ANO10: variants seen among roughly 807,000 people sequenced by gnomAD.
The protein encoded by ANO10 is anoctamin-10.
ANO10 carries 77 observed loss-of-function variants against 74.7 expected under a neutral mutation model. That is an observed-to-expected ratio of 1.03 (90% CI 0.86 to 1.25). The LOEUF is 1.25. ANO10 is among the 50% of genes most tolerant of loss of function. ANO10 has a pLI of 0.00. For synonymous variants in ANO10, 279 were observed against 284.9 expected, an observed-to-expected ratio of 0.98 and a Z score of 0.21; for missense variants, 721 against 778.1, an observed-to-expected ratio of 0.93 and a Z score of 0.87.
In ANO10 at chr3:43,605,843, T is replaced by C. The variant is rs1224724929; in HGVS notation, c.10A>G (p.Thr4Ala). ...TCAGAAGTATCCAAAGCTGATAAGGTCACTTTCATCTTTGACAAATCTGCG... is the reference window on the plus strand; with the variant it reads ...TCAGAAGTATCCAAAGCTGATAAGGCCACTTTCATCTTTGACAAATCTGCG... MKV[T>A]LSALDTSESS... The change falls in exon 2 of 13, where the codon ACC becomes GCC. Residue 4 changes from threonine to alanine, a missense_variant. Transcript: ENST00000292246. 1.9e-6 allele frequency: 3 copies of C among 1,613,644 alleles called. No individual in the cohort carries two copies. The highest frequency in any genetic ancestry group is 1.1e-5 in the South Asian group (1 of 91,072).
At chr3:43,419,268 A>G (rs1019812111) in intron 12 of ANO10, among the ~76,000 whole-genome samples, 1 of 152,248 alleles carries the variant, frequency 6.6e-6, no homozygotes, top group Non-Finnish European at 1.5e-5. Context: ...TCTACTGATC[A>G]CACAGAAAAA....
intron 11 of ANO10, among the ~76,000 whole-genome samples, chr3:43,464,610 T>C (rs2075533904): frequency 6.6e-6 from 1 of 152,078 alleles, no homozygotes; most frequent in African/African-American, 2.4e-5. Context: ...GTCCAAGAGG[T>C]TGAGGTTGCA....
chr3:43,404,451 T>C (rs966701813), intron 12 of ANO10, among the ~76,000 whole-genome samples: 4 of 152,182 alleles, frequency 2.6e-5, no homozygotes, highest in Admixed American at 6.5e-5. Flanking sequence ...ACATCTTAGA[T>C]TGCAGCCTAC....
intron 11 of ANO10, among the ~76,000 whole-genome samples, chr3:43,520,675 CTAT>C (rs760142226): frequency 6.6e-6 from 1 of 152,094 alleles, no homozygotes; most frequent in African/African-American, 2.4e-5. Flanking sequence ...TCTTATGCTA[CTAT>C]GATTACTGTA....
intron 11 of ANO10, among the ~76,000 whole-genome samples, chr3:43,433,315 T>C (rs985666797): frequency 6.6e-6 from 1 of 152,124 alleles, no homozygotes; most frequent in African/African-American, 2.4e-5. Context: ...CAATGTTTTA[T>C]AGAAAAATGG....
intron 11 of ANO10, among the ~76,000 whole-genome samples, chr3:43,503,685 A>C (rs1368232029): frequency 2.6e-5 from 4 of 152,220 alleles, no homozygotes; most frequent in Non-Finnish European, 4.4e-5. Context: ...GAAACCAAAT[A>C]AAATAGTTTC....
chr3:43,684,200 C>A (rs1346971610), intron 1 of ANO10, among the ~76,000 whole-genome samples: 7 of 152,080 alleles, frequency 4.6e-5, no homozygotes. Flanking sequence ...GGGCTAATAT[C>A]CAGAATCTAC....
intron 1 of ANO10, among the ~76,000 whole-genome samples, chr3:43,671,681 C>A (rs999762959): frequency 1.3e-5 from 2 of 151,852 alleles, no homozygotes; most frequent in Non-Finnish European, 2.9e-5. Context: ...GAAAAGAACA[C>A]ACATATATAC....
intron 1 of ANO10, among the ~76,000 whole-genome samples, chr3:43,667,763 G>T (rs989317309): frequency 6.6e-6 from 1 of 152,148 alleles, no homozygotes; most frequent in Non-Finnish European, 1.5e-5. Flanking sequence ...TGCTGCAAAA[G>T]ACATTATTTT....
intron 12 of ANO10, among the ~76,000 whole-genome samples, chr3:43,427,342 G>A (rs570399196): frequency 2.0e-5 from 3 of 152,114 alleles, no homozygotes; most frequent in African/African-American, 2.4e-5. Context: ...GTCCCTGGGC[G>A]CCACCTTCGA....
Position 43,605,619 on chromosome 3 carries a change from C to T in ANO10, c.139+95G>A, listed in dbSNP as rs2082524195. 5 of 1,470,118 alleles carry T rather than the reference C, an allele frequency of 3.4e-6. No homozygotes were observed. The East Asian group carries it at 1.1e-4, about 34-fold the overall frequency. 91.1% of individuals were successfully genotyped at this position (1,470,118 alleles called of 1,614,324 possible). A position where few individuals can be genotyped will look rare whatever the true frequency, so the allele number is the denominator to read the frequency against. On this transcript the variant is annotated intron_variant, in intron 2 of 12. Coordinates refer to ENST00000292246, the MANE Select transcript of ANO10 (RefSeq NM_018075.5). Reference sequence around the variant, plus strand: ...CAACGAAAATTATAAAACACATTTGCAAATACATTTTTAGTGACTGAGCAT... The same window carrying T: ...CAACGAAAATTATAAAACACATTTGTAAATACATTTTTAGTGACTGAGCAT...
At chr3:43,644,523 C>T (rs1431384316) in intron 1 of ANO10, among the ~76,000 whole-genome samples, 1 of 152,216 alleles carries the variant, frequency 6.6e-6, no homozygotes, top group Non-Finnish European at 1.5e-5. Flanking sequence ...CCACTGGCCT[C>T]TCCAGATCCA....
rs2091409736 is a variant in ANO10 at position 43,366,344 on chromosome 3, G to C, written c.*562C>G. ...ACCTATGTAGGCAGAAGGAGTCAGAGAGGTTGCCTTTAATAGCTCAGTTAC... is the reference window on the plus strand; with the variant it reads ...ACCTATGTAGGCAGAAGGAGTCAGACAGGTTGCCTTTAATAGCTCAGTTAC... On this transcript the variant is annotated 3_prime_UTR_variant, in exon 13 of 13. Transcript: ENST00000292246. 5.7e-6 allele frequency: 1 copy of C among 176,358 alleles called. No individual in the cohort carries two copies. Among genetic ancestry groups the C allele is most frequent in the Admixed American group, 5.4e-5 (1 of 18,554 alleles). 10.9% of individuals were successfully genotyped at this position (176,358 alleles called of 1,614,324 possible). A position where few individuals can be genotyped will look rare whatever the true frequency, so the allele number is the denominator to read the frequency against.
chr3:43,571,071 A>C (rs1019578131), intron 7 of ANO10, among the ~76,000 whole-genome samples: 1 of 151,778 alleles, frequency 6.6e-6, no homozygotes, highest in African/African-American at 2.4e-5. Flanking sequence ...GCAGCCAAAA[A>C]ACACATGAAA....
chr3:43,544,299 C>A (rs1284796651), intron 11 of ANO10, among the ~76,000 whole-genome samples: 1 of 151,944 alleles, frequency 6.6e-6, no homozygotes, highest in Non-Finnish European at 1.5e-5. Context: ...CATTGGTAGG[C>A]TATTCTCTGG....
At chr3:43,521,045 T>C (rs1355685571) in intron 11 of ANO10, among the ~76,000 whole-genome samples, 1 of 152,226 alleles carries the variant, frequency 6.6e-6, no homozygotes, top group Non-Finnish European at 1.5e-5. Context: ...GAATTGTTTT[T>C]AATGGATTCC....
intron 12 of ANO10, among the ~76,000 whole-genome samples, chr3:43,372,458 T>TCTCATCCTTGTCC (rs1219513490): frequency 6.6e-6 from 1 of 152,126 alleles, no homozygotes; most frequent in Non-Finnish European, 1.5e-5. Context: ...CCTTCTTGTC[T>TCTCATCCTTGTCC]CTCATCCTTG....
At chr3:43,655,903 C>T (rs2083844487) in intron 1 of ANO10, among the ~76,000 whole-genome samples, 1 of 98,632 alleles carries the variant, frequency 1.0e-5, no homozygotes, top group Non-Finnish European at 2.1e-5. Flanking sequence ...ATTCACAAAC[C>T]CTGAGCTAGA....
chr3:43,489,739 T>C (rs866489241), intron 11 of ANO10, among the ~76,000 whole-genome samples: 6 of 152,250 alleles, frequency 3.9e-5, no homozygotes, highest in African/African-American at 7.2e-5. Context: ...GAAAAAAATA[T>C]TTCTCTTTTC....
Sources: allele counts gnomAD v4.1 joint callset (sites outside exome capture counted in the v4.1 genomes callset), GRCh38; gene constraint gnomAD v4.1.1; transcripts MANE v1.5; gene names NCBI Gene and HGNC (gene_info 2026-07-23, HGNC 2026-07-21).